RASL12: variants seen among roughly 807,000 people sequenced by gnomAD.
RASL12 encodes the protein RAS like family 12.
RASL12 carries 16 observed loss-of-function variants against 22.9 expected under a neutral mutation model. The observed-to-expected ratio is 0.70, with a 90% CI of 0.47 to 1.06. RASL12 has a LOEUF of 1.06. Among genes scored for constraint, RASL12 ranks in the 50% least tolerant of loss-of-function variants. The pLI is 0.00. For synonymous variants in RASL12, 159 were observed against 152.2 expected (o/e 1.04, Z -0.33); for missense variants, 306 against 353.1 (o/e 0.87, Z 1.07).
intron 2 of RASL12, among the ~76,000 whole-genome samples, chr15:65,060,616 G>C (rs2086790811): frequency 6.6e-6 from 1 of 152,222 alleles, no homozygotes; most frequent in African/African-American, 2.4e-5. Context: ...ATCTGTGCCT[G>C]TGTCATTGGC....
chr15:65,076,534 G>C, exon 1 of RASL12: 1 of 700,344 alleles, frequency 1.4e-6, no homozygotes, highest in Non-Finnish European at 2.6e-6. Flanking sequence ...CTCACCTCGA[G>C]GGTCCGCGGC....
At position 65,053,928 on chromosome 15, in the gene RASL12, CT is replaced by C. The variant is rs2086692719; in HGVS notation, c.*970del. The C allele has an allele frequency of 1.0e-6, 1 of 985,728 alleles. No homozygotes were observed. Among genetic ancestry groups the C allele is most frequent in the Non-Finnish European group, 1.2e-6 (1 of 829,964 alleles). 61.1% of individuals were successfully genotyped at this position (985,728 alleles called of 1,614,324 possible). On this transcript the variant is annotated 3_prime_UTR_variant, in exon 5 of 5. Coordinates refer to ENST00000220062, the MANE Select transcript of RASL12 (RefSeq NM_016563.4). ...AATTTTGCTTTATTAACCCAAAATGCTTTAGGTTCTAAAGTGGGCTTTGAAC... is the reference window on the plus strand; with the variant it reads ...AATTTTGCTTTATTAACCCAAAATGCTTAGGTTCTAAAGTGGGCTTTGAAC...
At chr15:65,066,851 G>T (rs1234088908) in intron 1 of RASL12, among the ~76,000 whole-genome samples, 1 of 152,120 alleles carries the variant, frequency 6.6e-6, no homozygotes, top group African/African-American at 2.4e-5. Context: ...AGCTGAGCTT[G>T]GGTTGGCCAT....
At chr15:65,061,414 G>A (rs2086803003) in intron 2 of RASL12, among the ~76,000 whole-genome samples, 1 of 152,234 alleles carries the variant, frequency 6.6e-6, no homozygotes, top group Non-Finnish European at 1.5e-5. Flanking sequence ...GCCTGCATGA[G>A]CTGGAAGAAG....
upstream of RASL12, among the ~76,000 whole-genome samples, chr15:65,069,314 T>G (rs1045559231): frequency 1.3e-5 from 2 of 152,242 alleles, no homozygotes. Flanking sequence ...AGGCCAGAAT[T>G]AGTCACACAG....
At chr15:65,071,252 G>C (rs1051778228), upstream of RASL12, among the ~76,000 whole-genome samples, 10 of 152,200 alleles carry the variant, frequency 6.6e-5, no homozygotes, top group Non-Finnish European at 1.5e-4. Flanking sequence ...CTCAGAGTCT[G>C]AGGCAGGCTC....
At chr15:65,060,056 C>T (rs2086783640) in intron 2 of RASL12, among the ~76,000 whole-genome samples, 1 of 152,242 alleles carries the variant, frequency 6.6e-6, no homozygotes, top group Admixed American at 6.5e-5. Context: ...CTCTCTGAGG[C>T]TGTTTCCTCA....
intron 2 of RASL12, among the ~76,000 whole-genome samples, chr15:65,063,455 T>A (rs559917443): frequency 6.6e-5 from 10 of 152,168 alleles, no homozygotes; most frequent in Non-Finnish European, 1.5e-4. Flanking sequence ...TTGCATCCTG[T>A]GTCCTCCTCT....
In RASL12 at chr15:65,053,512, T is replaced by C. The variant is rs941177225; in HGVS notation, c.*1387A>G. ...CGGGAAGCCTGTAGGACTGCAAGCA[T>C]GTGGTCTTGAGTAGTTCACAGCCCC... On this transcript the variant is annotated 3_prime_UTR_variant, in exon 5 of 5. Coordinates refer to ENST00000220062, the MANE Select transcript of RASL12 (RefSeq NM_016563.4). The C allele has an allele frequency of 2.7e-6, 3 of 1,091,600 alleles. No individual in the cohort carries two copies. The African/African-American group carries it at 5.1e-5, about 18-fold the overall frequency. 67.6% of individuals were successfully genotyped at this position (1,091,600 alleles called of 1,614,324 possible).
At chr15:65,066,157 AG>A (rs1349886738) in intron 1 of RASL12, among the ~76,000 whole-genome samples, 1 of 151,152 alleles carries the variant, frequency 6.6e-6, no homozygotes, top group Non-Finnish European at 1.5e-5. Flanking sequence ...AGAAGAAGAG[AG>A]GGATGAAGGG....
downstream of RASL12, among the ~76,000 whole-genome samples, chr15:65,050,394 C>T (rs2086634568): frequency 6.6e-6 from 1 of 152,124 alleles, no homozygotes; most frequent in South Asian, 2.1e-4. Context: ...GAATAAAACA[C>T]AAAAATCTCT....
At chr15:65,068,039 A>G (rs1300614355), upstream of RASL12, 14 of 1,114,432 alleles carry the variant, frequency 1.3e-5, no homozygotes, top group Non-Finnish European at 1.4e-5. The surrounding 1 kb of genome is among the most constrained non-coding windows in gnomAD (Gnocchi z 4.2). Context: ...GGGCGGGGCC[A>G]CCCCAAGCGC....
upstream of RASL12, among the ~76,000 whole-genome samples, chr15:65,071,957 G>C (rs1018487339): frequency 3.3e-5 from 5 of 152,166 alleles, no homozygotes; most frequent in Non-Finnish European, 7.4e-5. Flanking sequence ...CCAAGGAAAA[G>C]CCCAAATCAT....
chr15:65,065,866 C>T (rs2086869872), intron 1 of RASL12, among the ~76,000 whole-genome samples: 1 of 152,152 alleles, frequency 6.6e-6, no homozygotes, highest in East Asian at 1.9e-4. Context: ...GGGGCCTCTA[C>T]ACTCATCATG....
upstream of RASL12, chr15:65,067,997 C>T: frequency 3.5e-6 from 4 of 1,155,702 alleles, no homozygotes; most frequent in Non-Finnish European, 4.3e-6. Context: ...GGGCTGCCAC[C>T]CCGCGGGGAG....
At chr15:65,059,050 G>A (rs1197225101) in intron 3 of RASL12, among the ~76,000 whole-genome samples, 2 of 152,246 alleles carry the variant, frequency 1.3e-5, no homozygotes, top group African/African-American at 4.8e-5. Context: ...AGGAGCATCT[G>A]TGTAAACAGG....
intron 4 of RASL12, among the ~76,000 whole-genome samples, chr15:65,058,005 C>T (rs765900371): frequency 6.6e-6 from 1 of 152,220 alleles, no homozygotes; most frequent in Non-Finnish European, 1.5e-5. Flanking sequence ...GGCACGGTGG[C>T]TCACGCCTGT....
At chr15:65,069,138 G>A (rs2086913508), upstream of RASL12, among the ~76,000 whole-genome samples, 2 of 152,194 alleles carry the variant, frequency 1.3e-5, no homozygotes, top group African/African-American at 4.8e-5. Context: ...GTGCAGGCAG[G>A]GCCCAGGGTC....
Position 65,054,773 on chromosome 15 carries a change from A to G in RASL12, c.*126T>C. 6.7e-7 allele frequency: 1 copy of G among 1,492,572 alleles called. No homozygotes were observed. The highest frequency in any genetic ancestry group is 2.3e-5 in the East Asian group (1 of 43,312). 92.5% of individuals were successfully genotyped at this position (1,492,572 alleles called of 1,614,324 possible). A position where few individuals can be genotyped will look rare whatever the true frequency, so the allele number is the denominator to read the frequency against. On this transcript the variant is annotated 3_prime_UTR_variant, in exon 5 of 5. Coordinates refer to ENST00000220062, the MANE Select transcript of RASL12 (RefSeq NM_016563.4). ...CTCACACAGTGAATTGAGTGTAGGGACACTGCTTGGTGCTGGAGGCGGGGT... is the reference window on the plus strand; with the variant it reads ...CTCACACAGTGAATTGAGTGTAGGGGCACTGCTTGGTGCTGGAGGCGGGGT...
Sources: gnomAD v4.1 joint callset for allele counts (sites outside exome capture counted in the v4.1 genomes callset) on GRCh38, gnomAD v4.1.1 for gene constraint, Gnocchi (gnomAD v3.1) non-coding constraint, MANE v1.5 for transcripts, NCBI Gene and HGNC (gene_info 2026-07-23, HGNC 2026-07-21) for gene names.